ABCA9: variants seen among roughly 807,000 people sequenced by gnomAD.
ABCA9 encodes ATP binding cassette subfamily A member 9, also known as ATP-binding cassette sub-family A member 9.
A neutral mutation model predicts 205.3 loss-of-function variants in ABCA9; 183 were observed. That is an observed-to-expected ratio of 0.89 (90% CI 0.79 to 1.01). The LOEUF (loss-of-function observed/expected upper bound fraction) is 1.01, where lower values mean the gene tolerates loss of function less well. Among genes scored for constraint, ABCA9 ranks in the 50% least tolerant of loss-of-function variants. The pLI is 0.00. For synonymous variants in ABCA9, 651 were observed against 683.3 expected (o/e 0.95, Z 0.74); for missense variants, 1,805 against 1,912.4 (o/e 0.94, Z 1.05).
At chr17:69,009,669 C>T (rs184199514) in intron 23 of ABCA9, among the ~76,000 whole-genome samples, 3 of 152,146 alleles carry the variant, frequency 2.0e-5, no homozygotes, top group East Asian at 1.9e-4. Flanking sequence ...AAAATAGAGA[C>T]GACTAATATG....
rs1230532766 is a variant in ABCA9, at chr17:68,986,192, T to A, written c.4180A>T (p.Lys1394Ter). Residue 1394 changes from lysine to a stop codon, truncating the protein, a stop_gained, in exon 32 of 39, where the codon AAA becomes TAA. Transcript: ENST00000340001. LOFTEE classifies it high-confidence loss of function. ...GTGATGGCGATCATTGCGTCCCCTT[T>A]CCTGAGACCTTTCACGGCAGCGTAC... Reference protein sequence around the residue: ...EVYAAVKGLRKGDAMIAITRL... With the variant: ...EVYAAVKGLR 1 of 1,612,464 alleles carries A rather than the reference T, an allele frequency of 6.2e-7. No individual in the cohort carries two copies. Among genetic ancestry groups the A allele is most frequent in the South Asian group, 1.1e-5 (1 of 90,766 alleles).
intron 10 of ABCA9, among the ~76,000 whole-genome samples, chr17:69,030,164 C>T (rs757081788): frequency 2.0e-5 from 3 of 152,178 alleles, no homozygotes; most frequent in Non-Finnish European, 2.9e-5. Context: ...AGGTTGTATT[C>T]GCCTGCTTGG....
At chr17:69,035,902 G>A (rs886170618) in intron 6 of ABCA9, 101 bp from the exon 7 acceptor site, 4 of 1,413,500 alleles carry the variant, frequency 2.8e-6, no homozygotes, top group Admixed American at 4.9e-5. Context: ...ATTTATCAAG[G>A]GTAAAGGAAA....
At position 69,020,388 on chromosome 17, in the gene ABCA9, A is replaced by C. The variant is rs752696068; in HGVS notation, c.2600T>G (p.Ile867Arg). The C allele has an allele frequency of 6.2e-7, 1 of 1,610,766 alleles. No homozygotes were observed. Among genetic ancestry groups the C allele is most frequent in the East Asian group, 2.2e-5 (1 of 44,834 alleles). Residue 867 changes from isoleucine (I) to arginine (R), a missense_variant and splice_region_variant, in exon 19 of 39, where the codon ATA becomes AGA. By Grantham distance (97) the Ile-to-Arg change is moderately conservative (BLOSUM62 -3). Transcript: ENST00000340001. ...AAATCTGAAACACTCAGATACTCAC[A>C]TAGTCCACAGGCTTTTTCTTTCTTT... ...LKKERKSLWT[I>R]LLLFGISFIP...
At chr17:69,007,394 C>T (rs2070185102) in intron 25 of ABCA9, among the ~76,000 whole-genome samples, 1 of 152,072 alleles carries the variant, frequency 6.6e-6, no homozygotes, top group African/African-American at 2.4e-5. Flanking sequence ...GAGCGAGACT[C>T]TGTCTCAGAA....
In ABCA9 at chr17:69,035,406, A is replaced by G; in HGVS notation, c.968T>C (p.Val323Ala). Residue 323 changes from valine (V) to alanine (A), a missense_variant, in exon 8 of 39, where the codon GTG (valine) becomes GCG (alanine). Val to Ala is a moderately conservative substitution (Grantham distance 64). Coordinates refer to ENST00000340001, the MANE Select transcript of ABCA9 (RefSeq NM_080283.4). Reference protein sequence around the residue: ...SLITLAFLMSVLIKKPFLTGL... With the variant: ...SLITLAFLMSALIKKPFLTGL... ...CGTAAGGAAAGGTTTCTTTATCAACACACTCATCAGGAAAGCTAAAGTTAT... is the reference window on the plus strand; with the variant it reads ...CGTAAGGAAAGGTTTCTTTATCAACGCACTCATCAGGAAAGCTAAAGTTAT... The G allele has an allele frequency of 6.3e-7, 1 of 1,599,370 alleles. No homozygotes were observed. Among genetic ancestry groups the G allele is most frequent in the Non-Finnish European group, 8.5e-7 (1 of 1,173,910 alleles).
rs747518841 is a variant in ABCA9, at chr17:69,035,232, A to G, written c.1128+14T>C. On this transcript the variant is annotated intron_variant, in intron 8 of 38. Transcript: ENST00000340001. ...ACGGTTTGTAAAAAGTGAAAGTGTT[A>G]CCTTAACTCTTACCTGGGCCATCCC... The G allele has an allele frequency of 6.5e-7, 1 of 1,527,232 alleles. No individual in the cohort carries two copies. The highest frequency in any genetic ancestry group is 8.8e-7 in the Non-Finnish European group (1 of 1,140,548). 94.6% of individuals were successfully genotyped at this position (1,527,232 alleles called of 1,614,324 possible). A position where few individuals can be genotyped will look rare whatever the true frequency, so the allele number is the denominator to read the frequency against.
the ABCA9 span, among the ~76,000 whole-genome samples, chr17:69,077,475 A>G: frequency 6.6e-6 from 1 of 152,188 alleles, no homozygotes; most frequent in Non-Finnish European, 1.5e-5. Flanking sequence ...AAGAATGTAT[A>G]TTCTGTGCTG....
chr17:69,064,939 G>A (rs2072331085), upstream of ABCA9, among the ~76,000 whole-genome samples: 1 of 151,830 alleles, frequency 6.6e-6, no homozygotes, highest in South Asian at 2.1e-4. Flanking sequence ...ATTGTTTTCT[G>A]TTTTTGTTTA....
At chr17:69,016,092 A>G (rs900364320) in intron 22 of ABCA9, among the ~76,000 whole-genome samples, 161 bp downstream of exon 22, 10 of 90,010 alleles carry the variant, frequency 1.1e-4, no homozygotes, top group South Asian at 4.1e-4. Context: ...ACAGATTTAT[A>G]TGTGTGTGTG....
rs945254775 is a variant in ABCA9 at position 68,993,043 on chromosome 17, A to G, written c.3597T>C (p.Ser1199=). 3.1e-6 allele frequency: 5 copies of G among 1,613,812 alleles called. No individual in the cohort carries two copies. Among genetic ancestry groups the G allele is most frequent in the South Asian group, 2.2e-5 (2 of 91,054 alleles). The change falls in exon 27 of 39, where the codon TCT becomes TCC. Residue 1199 remains serine, a synonymous_variant. Transcript: ENST00000340001. ...DSMDYLGASE[S]EIVYLALLIP... is the part of the protein sequence containing the mutation. ...TTAGCAGTGCCAGGTATACAATTTC[A>G]GATTCTGAAGCTCCTAAGTAATCCA...
At chr17:69,009,938 A>ATACT (rs988352047) in intron 23 of ABCA9, among the ~76,000 whole-genome samples, 6 of 152,170 alleles carry the variant, frequency 3.9e-5, no homozygotes, top group African/African-American at 9.7e-5. Context: ...TATCTGGAAA[A>ATACT]TACTTATACT....
chr17:68,990,375 G>A (rs2069407987), intron 29 of ABCA9, among the ~76,000 whole-genome samples: 1 of 152,182 alleles, frequency 6.6e-6, no homozygotes, highest in Non-Finnish European at 1.5e-5. Context: ...ATCTGTGTGT[G>A]TGTATGCACA....
At chr17:69,016,031 G>A (rs2070584936) in intron 22 of ABCA9, among the ~76,000 whole-genome samples, 1 of 150,542 alleles carries the variant, frequency 6.6e-6, no homozygotes, top group Non-Finnish European at 1.5e-5. Flanking sequence ...AATTGTGTGT[G>A]TGTATGTATA....
intron 29 of ABCA9, among the ~76,000 whole-genome samples, chr17:68,990,213 C>G (rs2069402869): frequency 6.6e-6 from 1 of 152,228 alleles, no homozygotes; most frequent in Non-Finnish European, 1.5e-5. Context: ...ATCATGCACA[C>G]AAACACACAC....
In ABCA9 at chr17:68,974,722, A is replaced by G. The variant is rs2068857344; in HGVS notation, c.*1193T>C. Reference sequence around the variant, plus strand: ...ATAGAGATATGGGAAATTAAGACCTATGAAGTTTTAATTATTTGCATAAGA... The same window carrying G: ...ATAGAGATATGGGAAATTAAGACCTGTGAAGTTTTAATTATTTGCATAAGA... On this transcript the variant is annotated 3_prime_UTR_variant, in exon 39 of 39. Coordinates refer to ENST00000340001, the MANE Select transcript of ABCA9 (RefSeq NM_080283.4). 6.6e-6 allele frequency: 1 copy of G among 152,230 alleles called. No homozygotes were observed. The allele number at this position is 152,230 out of a possible 1,614,324, so 9.4% of individuals were successfully genotyped here.
At chr17:68,994,155 C>T (rs1260819507) in intron 26 of ABCA9, among the ~76,000 whole-genome samples, 2 of 152,206 alleles carry the variant, frequency 1.3e-5, no homozygotes, top group African/African-American at 4.8e-5. Flanking sequence ...GGATTACAGG[C>T]ATGAGCCACC....
chr17:69,065,811 A>G (rs991534396), upstream of ABCA9, among the ~76,000 whole-genome samples: 1 of 151,914 alleles, frequency 6.6e-6, no homozygotes, highest in African/African-American at 2.4e-5. Context: ...CGTGGGAGGG[A>G]CCTTGTGGGA....
At chr17:68,999,882 G>T (rs1409668716) in intron 25 of ABCA9, among the ~76,000 whole-genome samples, 18 of 152,146 alleles carry the variant, frequency 1.2e-4, no homozygotes, top group Admixed American at 1.0e-3. Flanking sequence ...GGCCAGTGAT[G>T]ATGAGCATTA....
Sources: allele counts gnomAD v4.1 joint callset (sites outside exome capture counted in the v4.1 genomes callset), GRCh38; gene constraint gnomAD v4.1.1; transcripts MANE v1.5; gene names NCBI Gene and HGNC (gene_info 2026-07-23, HGNC 2026-07-21).